The following SASH1 variants were observed in gnomAD, a reference collection of about 807,000 sequenced individuals.
SASH1 encodes SAM and SH3 domain-containing protein 1.
In SASH1, 44 loss-of-function variants were observed where a neutral mutation model predicts 125.2. That is an observed-to-expected ratio of 0.35 (90% CI 0.28 to 0.45). The LOEUF is 0.45. Ranked by LOEUF, SASH1 falls within the 20% of genes least tolerant of loss-of-function variation. The pLI is 1.00. For synonymous variants in SASH1, 639 were observed against 649.1 expected, an observed-to-expected ratio of 0.98 and a Z score of 0.24; for missense variants, 1,426 against 1,614.5, an observed-to-expected ratio of 0.88 and a Z score of 2.00.
chr6:148,307,011 A>G (rs1780144656), intron 1 of SASH1, among the ~76,000 whole-genome samples: 1 of 148,522 alleles, frequency 6.7e-6, no homozygotes, highest in South Asian at 2.2e-4. Flanking sequence ...AGCACAACCT[A>G]CCTTTCTCTT....
At position 148,508,058 on chromosome 6, in the gene SASH1, T is replaced by A. The variant is rs73015027; in HGVS notation, c.730-6266T>A. ...TAATCATCTTGTGACACGGTCCTCA[T>A]GCTCACGTTTCTAGAATGCAGGAGA... On this transcript the variant is annotated intron_variant, in intron 8 of 19. Transcript: ENST00000367467. Among the ~76,000 whole-genome samples, 1,462 of 152,344 alleles carry A rather than the reference T, an allele frequency of 9.6e-3. 16 individuals are homozygous for A. The highest frequency in any genetic ancestry group is 0.035 in the East Asian group (182 of 5,176).
chr6:148,222,527 A>C, the SASH1 span, among the ~76,000 whole-genome samples: 1 of 152,118 alleles, frequency 6.6e-6, no homozygotes, highest in Non-Finnish European at 1.5e-5. Flanking sequence ...ATTTTGCACC[A>C]AGAAGTGAAC....
At chr6:148,396,200 CG>C (rs1783940722) in intron 2 of SASH1, among the ~76,000 whole-genome samples, 1 of 151,980 alleles carries the variant, frequency 6.6e-6, no homozygotes, top group Non-Finnish European at 1.5e-5. Context: ...CATTGCTGGA[CG>C]GGTGCAGTGG....
At chr6:148,348,044 T>A (rs1781576431) in intron 1 of SASH1, among the ~76,000 whole-genome samples, 1 of 152,160 alleles carries the variant, frequency 6.6e-6, no homozygotes. Context: ...TCTCACTCTG[T>A]CTCCCAGGCT....
chr6:148,282,459 G>A (rs1037630642), intron 1 of SASH1, among the ~76,000 whole-genome samples: 2 of 151,806 alleles, frequency 1.3e-5, no homozygotes, highest in East Asian at 3.9e-4. Flanking sequence ...TTGGCTCACT[G>A]CAACCTCTGC....
At chr6:148,285,071 A>G (rs9377123) in intron 1 of SASH1, among the ~76,000 whole-genome samples, 21,454 of 152,188 alleles carry the variant, frequency 0.14, 1,685 homozygotes, top group Middle Eastern at 0.21. Flanking sequence ...CCTCTCCCAT[A>G]TCCACGCCCC....
chr6:148,392,629 G>A (rs1361968949), intron 2 of SASH1, among the ~76,000 whole-genome samples: 2 of 152,154 alleles, frequency 1.3e-5, no homozygotes, highest in Non-Finnish European at 2.9e-5. Flanking sequence ...CCTTGGATCA[G>A]GAGTAACATT....
chr6:148,389,847 G>A (rs1388417013), intron 1 of SASH1, among the ~76,000 whole-genome samples: 2 of 152,208 alleles, frequency 1.3e-5, no homozygotes, highest in Non-Finnish European at 2.9e-5. Context: ...GACCGTCCGA[G>A]GTTGGAGAGC....
At chr6:148,319,024 T>TC in intron 1 of SASH1, among the ~76,000 whole-genome samples, 2 of 85,248 alleles carry the variant, frequency 2.3e-5, no homozygotes, top group Admixed American at 1.2e-4. Context: ...TTTATCTTCT[T>TC]TTTTTTTTTT....
the SASH1 span, among the ~76,000 whole-genome samples, chr6:148,214,602 T>C: frequency 2.0e-5 from 3 of 152,204 alleles, no homozygotes; most frequent in African/African-American, 4.8e-5. Context: ...AGAATAATAA[T>C]GATTTCCCAG....
chr6:148,450,797 G>A (rs1263282838), intron 4 of SASH1, among the ~76,000 whole-genome samples: 1 of 151,548 alleles, frequency 6.6e-6, no homozygotes, highest in East Asian at 1.9e-4. Context: ...TCCATTCTGA[G>A]TGTCATTATA....
intron 4 of SASH1, among the ~76,000 whole-genome samples, chr6:148,461,228 A>T (rs1260753680): frequency 6.6e-6 from 1 of 152,098 alleles, no homozygotes; most frequent in Non-Finnish European, 1.5e-5. Flanking sequence ...CTGACTCCTG[A>T]ATGTGTGTGC....
At chr6:148,349,729 C>G (rs1781654717) in intron 1 of SASH1, among the ~76,000 whole-genome samples, 1 of 152,166 alleles carries the variant, frequency 6.6e-6, no homozygotes, top group Non-Finnish European at 1.5e-5. Context: ...TGTACAGTCT[C>G]TAAAGTAATC....
At chr6:148,303,614 T>C (rs1276740572) in intron 1 of SASH1, among the ~76,000 whole-genome samples, 2 of 151,526 alleles carry the variant, frequency 1.3e-5, no homozygotes, top group African/African-American at 2.4e-5. Context: ...CTGGCTAACA[T>C]GGTGAAACCC....
chr6:148,368,770 G>GCACGCACACACACACACA (rs1554245333), intron 1 of SASH1, among the ~76,000 whole-genome samples: 36 of 135,642 alleles, frequency 2.7e-4, no homozygotes, highest in African/African-American at 3.2e-4. Flanking sequence ...GCACGCGCGC[G>GCACGCACACACACACACA]CACACACACA....
intron 1 of SASH1, among the ~76,000 whole-genome samples, chr6:148,346,487 C>CAAA (rs71688552): frequency 0.022 from 3,064 of 139,370 alleles, 46 homozygotes; most frequent in African/African-American, 0.026. Flanking sequence ...AACAAGCTTG[C>CAAA]AAAAAAAAAA....
intron 8 of SASH1, chr6:148,512,882 A>G (rs1028378): frequency 0.46 from 448,708 of 984,546 alleles, 103,543 homozygotes; most frequent in Middle Eastern, 0.5. Context: ...ATAGTTAACC[A>G]TAAGTGGGTA....
At position 148,343,240 on chromosome 6, in the gene SASH1, G is replaced by A. The variant is rs1474034481; in HGVS notation, c.156+17G>A. 1.9e-6 allele frequency: 3 copies of A among 1,579,894 alleles called. No individual in the cohort carries two copies. Among genetic ancestry groups the A allele is most frequent in the Admixed American group, 3.4e-5 (2 of 58,746 alleles). On this transcript the variant is annotated intron_variant, in intron 1 of 19. Transcript: ENST00000367467. The stretch of plus-strand genomic sequence containing the variant: ...GGTATCCTGGTAAGTTACCTGGGGA[G>A]GGGGCGGCGCAGGAAGTACAGTTCG...
rs534888096 is a variant in SASH1, at chr6:148,515,081, T to C, written c.862+625T>C. Reference sequence around the variant, plus strand: ...TTTATTGAAATGGATAGTTAGCCTTTGACATATAATTATGACAGTTCAAAT... The same window carrying C: ...TTTATTGAAATGGATAGTTAGCCTTCGACATATAATTATGACAGTTCAAAT... On this transcript the variant is annotated intron_variant, in intron 9 of 19. Transcript: ENST00000367467. Among the ~76,000 whole-genome samples the C allele has an allele frequency of 2.0e-5, 3 of 152,340 alleles. No homozygotes were observed. The East Asian group carries it at 5.8e-4, about 29-fold the overall frequency.
Sources: allele counts gnomAD v4.1 joint callset (sites outside exome capture counted in the v4.1 genomes callset), GRCh38; gene constraint gnomAD v4.1.1; transcripts MANE v1.5; gene names NCBI Gene and HGNC (gene_info 2026-07-23, HGNC 2026-07-21).